CCDC148: variants seen among roughly 807,000 people sequenced by gnomAD.
CCDC148 encodes coiled-coil domain containing 148.
In CCDC148, 89 loss-of-function variants were observed where a neutral mutation model predicts 85.7. The observed-to-expected ratio is 1.04, with a 90% CI of 0.87 to 1.24. The LOEUF is 1.24. Ranked by LOEUF, CCDC148 falls within the 50% of genes most tolerant of loss-of-function variation. The probability of loss-of-function intolerance (pLI) is 0.00; values close to 1 mark genes in which losing one functional copy is unlikely to be tolerated. For missense variants in CCDC148, 692 were observed against 671.7 expected (o/e 1.03, Z -0.33); for synonymous variants, 230 against 213.9 (o/e 1.08, Z -0.66).
intron 10 of CCDC148, among the ~76,000 whole-genome samples, chr2:158,230,143 A>G (rs1014208947): frequency 4.6e-5 from 7 of 152,182 alleles, no homozygotes; most frequent in Non-Finnish European, 1.0e-4. Flanking sequence ...CATTTGTTCA[A>G]CAAGTATTTA....
chr2:158,300,121 A>G (rs1206880790), intron 9 of CCDC148, among the ~76,000 whole-genome samples: 4 of 152,210 alleles, frequency 2.6e-5, no homozygotes, highest in Non-Finnish European at 5.9e-5. Context: ...AATGTTGACA[A>G]TTCAGTCTTG....
intron 7 of CCDC148, among the ~76,000 whole-genome samples, chr2:158,328,348 A>C (rs140667370): frequency 0.023 from 3,555 of 152,102 alleles, 56 homozygotes; most frequent in South Asian, 0.052. Flanking sequence ...TGAACTCATC[A>C]TTTTTTATGG....
intron 10 of CCDC148, among the ~76,000 whole-genome samples, chr2:158,243,883 C>T: frequency 7.8e-6 from 1 of 128,672 alleles, no homozygotes; most frequent in South Asian, 3.3e-4. Flanking sequence ...CCAGGTGGCA[C>T]CTTCAACATT....
intron 7 of CCDC148, among the ~76,000 whole-genome samples, chr2:158,334,785 C>T (rs539159605): frequency 1.3e-5 from 2 of 151,876 alleles, no homozygotes; most frequent in Admixed American, 6.6e-5. Flanking sequence ...ATAGAACTTT[C>T]TAATTTATTT....
intron 1 of CCDC148, among the ~76,000 whole-genome samples, chr2:158,359,589 C>T (rs2105267844): frequency 6.6e-6 from 1 of 152,268 alleles, no homozygotes; most frequent in Non-Finnish European, 1.5e-5. Context: ...GTTGGGGAAA[C>T]TCCCTCCCCT....
At chr2:158,313,033 T>G (rs1692110195) in intron 8 of CCDC148, among the ~76,000 whole-genome samples, 1 of 152,238 alleles carries the variant, frequency 6.6e-6, no homozygotes, top group African/African-American at 2.4e-5. Context: ...GTATATAAGA[T>G]GCTATAGCAT....
At chr2:158,405,695 C>T (rs908394160) in intron 1 of CCDC148, among the ~76,000 whole-genome samples, 1 of 152,056 alleles carries the variant, frequency 6.6e-6, no homozygotes, top group Non-Finnish European at 1.5e-5. Flanking sequence ...AAGATTGGAT[C>T]GTGGTTTCAA....
At chr2:158,339,344 C>A (rs147551759) in intron 5 of CCDC148, among the ~76,000 whole-genome samples, 1 of 152,120 alleles carries the variant, frequency 6.6e-6, no homozygotes, top group Non-Finnish European at 1.5e-5. Context: ...TTTATTTTCT[C>A]TGTGGTAATG....
At position 158,329,140 on chromosome 2, in the gene CCDC148, G is replaced by A. The variant is rs958742812; in HGVS notation, c.764+9586C>T. On this transcript the variant is annotated intron_variant, in intron 7 of 13. Coordinates refer to ENST00000283233, the MANE Select transcript of CCDC148 (RefSeq NM_138803.4). ...CTAGGTTTTCTTCTAGGGTTTTTAT[G>A]GTTTTAGGTCAAACATTTAAGTCTT... 1.4e-3 allele frequency among the ~76,000 whole-genome samples: 206 copies of A among 152,208 alleles called. 2 individuals carry two copies. The highest frequency in any genetic ancestry group is 4.7e-3 in the African/African-American group (196 of 41,538).
At chr2:158,393,408 G>C (rs528029135) in intron 1 of CCDC148, 3 of 152,180 alleles carry the variant, frequency 2.0e-5, no homozygotes, top group Non-Finnish European at 2.9e-5. Context: ...CCAAGGTGGA[G>C]AAAGATAGGA....
chr2:158,351,188 C>G (rs1276657693), intron 2 of CCDC148, among the ~76,000 whole-genome samples: 1 of 152,220 alleles, frequency 6.6e-6, no homozygotes, highest in African/African-American at 2.4e-5. Context: ...CTCTCCCTCC[C>G]CCAGCAAACA....
At chr2:158,428,331 A>G (rs916286963) in intron 1 of CCDC148, among the ~76,000 whole-genome samples, 7 of 152,166 alleles carry the variant, frequency 4.6e-5, no homozygotes, top group Non-Finnish European at 1.0e-4. Flanking sequence ...ATTGCACGGA[A>G]TAAGAAAAAG....
intron 9 of CCDC148, among the ~76,000 whole-genome samples, chr2:158,297,132 A>G (rs1373276882): frequency 6.6e-6 from 1 of 152,198 alleles, no homozygotes; most frequent in Non-Finnish European, 1.5e-5. Context: ...CAACTGCCTT[A>G]AATTGGCAGA....
intron 9 of CCDC148, among the ~76,000 whole-genome samples, chr2:158,277,672 C>T (rs1559036804): frequency 6.6e-6 from 1 of 151,876 alleles, no homozygotes; most frequent in Non-Finnish European, 1.5e-5. Context: ...TCTCGCCTCA[C>T]TGTAAGCTCC....
chr2:158,268,943 T>C (rs1228811053), intron 9 of CCDC148, among the ~76,000 whole-genome samples: 1 of 152,202 alleles, frequency 6.6e-6, no homozygotes, highest in Non-Finnish European at 1.5e-5. Context: ...GATATACACA[T>C]GCCACAATTG....
At chr2:158,396,186 C>T (rs1037431681) in intron 1 of CCDC148, among the ~76,000 whole-genome samples, 2 of 152,078 alleles carry the variant, frequency 1.3e-5, no homozygotes, top group Non-Finnish European at 2.9e-5. Context: ...TTTAGCTTTT[C>T]ATTTGCATCT....
At chr2:158,404,144 G>A (rs1368134232) in intron 1 of CCDC148, among the ~76,000 whole-genome samples, 1 of 152,076 alleles carries the variant, frequency 6.6e-6, no homozygotes, top group Non-Finnish European at 1.5e-5. Flanking sequence ...CTCAATAAAA[G>A]CCATTATTAT....
intron 1 of CCDC148, among the ~76,000 whole-genome samples, 159 bp from the exon 2 acceptor site, chr2:158,358,729 G>C (rs946700400): frequency 6.6e-6 from 1 of 151,612 alleles, no homozygotes; most frequent in African/African-American, 2.4e-5. Flanking sequence ...TATATTTGAG[G>C]CCTCTATTTC....
intron 1 of CCDC148, among the ~76,000 whole-genome samples, chr2:158,434,003 C>T (rs982383103): frequency 6.6e-6 from 1 of 152,360 alleles, no homozygotes. Flanking sequence ...CACCGCAGAT[C>T]AAGGAGGCCT....
Sources: allele counts gnomAD v4.1 joint callset (sites outside exome capture counted in the v4.1 genomes callset), GRCh38; gene constraint gnomAD v4.1.1; transcripts MANE v1.5; gene names NCBI Gene and HGNC (gene_info 2026-07-23, HGNC 2026-07-21).